The following HABP4 variants were observed in gnomAD, a reference collection of about 807,000 sequenced individuals.
HABP4 encodes intracellular hyaluronan-binding protein 4.
A neutral mutation model predicts 44.1 loss-of-function variants in HABP4; 32 were observed. That is an observed-to-expected ratio of 0.73 (90% confidence interval 0.55 to 0.97). The LOEUF is 0.97. HABP4 is among the 50% of genes least tolerant of loss of function. The pLI is 0.00. For missense variants in HABP4, 503 were observed against 561.9 expected (o/e 0.90, Z 1.06); for synonymous variants, 216 against 218.0 (o/e 0.99, Z 0.08).
At chr9:96,453,310 A>AGG (rs1243264585) in intron 1 of HABP4, among the ~76,000 whole-genome samples, 1 of 151,836 alleles carries the variant, frequency 6.6e-6, no homozygotes, top group African/African-American at 2.4e-5. Context: ...TCTTGACCTC[A>AGG]TGATCTGCTT....
intron 1 of HABP4, among the ~76,000 whole-genome samples, chr9:96,453,190 C>T (rs1178929341): frequency 1.3e-5 from 2 of 151,198 alleles, no homozygotes; most frequent in Non-Finnish European, 2.9e-5. Flanking sequence ...CCTCAGCCTC[C>T]TGGGTAGCTG....
chr9:96,473,030 C>T (rs1234204260), intron 5 of HABP4, among the ~76,000 whole-genome samples: 8 of 152,180 alleles, frequency 5.3e-5, no homozygotes, highest in East Asian at 3.9e-4. Context: ...CCTTGTCTTT[C>T]GGGTCTTTTA....
At chr9:96,465,618 T>C in intron 3 of HABP4, 92 bp from the exon 4 acceptor site, 1 of 1,170,214 alleles carries the variant, frequency 8.5e-7, no homozygotes, top group Admixed American at 1.7e-5. Context: ...TGTGAGAAGC[T>C]GATCCTGGGA....
upstream of HABP4, chr9:96,450,128 C>T (rs1052178693): frequency 1.6e-4 from 119 of 762,588 alleles, no homozygotes; most frequent in African/African-American, 1.9e-3. This position sits in a 1 kb window ranked among gnomAD's most constrained non-coding sequence, Gnocchi z 4.8. Flanking sequence ...CGGACGGCGG[C>T]GGCGCCGCGG....
chr9:96,489,862 T>C lies in HABP4; in HGVS notation c.1186-120T>C, dbSNP rs555320972. 69 of 741,604 alleles carry C rather than the reference T, an allele frequency of 9.3e-5. No individual in the cohort carries two copies. The Middle Eastern group carries it at 1.2e-3, about 13-fold the overall frequency. The allele number at this position is 741,604 out of a possible 1,614,324, so 45.9% of individuals were successfully genotyped here. A position where few individuals can be genotyped will look rare whatever the true frequency, so the allele number is the denominator to read the frequency against. ...TGACCTGTGACTCTCCCCTTCCCAC[T>C]GTGGGTCCTGCCTCTAATGCAGGCC... On this transcript the variant is annotated intron_variant, in intron 7 of 7. Coordinates refer to ENST00000375249, the MANE Select transcript of HABP4 (RefSeq NM_014282.4).
chr9:96,462,323 C>T (rs1365230416), intron 2 of HABP4, among the ~76,000 whole-genome samples: 1 of 151,792 alleles, frequency 6.6e-6, no homozygotes. Flanking sequence ...TGGTGGCACA[C>T]GCCTGTGATC....
chr9:96,462,308 G>A (rs1433808895), intron 2 of HABP4, among the ~76,000 whole-genome samples: 1 of 150,658 alleles, frequency 6.6e-6, no homozygotes, highest in Non-Finnish European at 1.5e-5. Context: ...AAAATTAGCC[G>A]GATGTGGTGG....
chr9:96,469,820 T>A (rs1019800374), intron 4 of HABP4, among the ~76,000 whole-genome samples: 1 of 152,130 alleles, frequency 6.6e-6, no homozygotes, highest in Non-Finnish European at 1.5e-5. Flanking sequence ...CGCGCCCGGA[T>A]GATTTACTTT....
At chr9:96,471,418 C>T (rs895396317) in intron 5 of HABP4, among the ~76,000 whole-genome samples, 2 of 152,148 alleles carry the variant, frequency 1.3e-5, no homozygotes, top group African/African-American at 4.8e-5. Context: ...GCTGGGATTA[C>T]AGGTGAGCCA....
At position 96,465,485 on chromosome 9, in the gene HABP4, G is replaced by A. The variant is rs1310480032; in HGVS notation, c.661G>A (p.Gly221Arg). 6.2e-7 allele frequency: 1 copy of A among 1,609,714 alleles called. No homozygotes were observed. The highest frequency in any genetic ancestry group is 1.3e-5 in the African/African-American group (1 of 74,844). The change falls in exon 3 of 8, where the codon GGG becomes AGG. Residue 221 changes from glycine (G) to arginine (R), a missense_variant. By Grantham distance (125) the Gly-to-Arg change is moderately radical (BLOSUM62 -2). This residue lies in a region of HABP4 where 131 missense variants were observed against 189.8 expected (regional missense o/e 0.69). Transcript: ENST00000375249. ...RGKREFERYG[G>R]NDKIAVRTED... ...AAAGCGAGAATTTGAAAGATATGGTGGGAATGACAAAATGTAAGTTTCTTT... is the reference window on the plus strand; with the variant it reads ...AAAGCGAGAATTTGAAAGATATGGTAGGAATGACAAAATGTAAGTTTCTTT...
intron 1 of HABP4, among the ~76,000 whole-genome samples, chr9:96,455,442 G>A (rs1469100336): frequency 9.6e-5 from 14 of 145,706 alleles, no homozygotes; most frequent in African/African-American, 7.7e-5. Context: ...TCTGGGTGAC[G>A]GAGTGAGACT....
At chr9:96,462,624 A>G (rs1396857935) in intron 2 of HABP4, among the ~76,000 whole-genome samples, 8 of 151,456 alleles carry the variant, frequency 5.3e-5, no homozygotes, top group Admixed American at 2.0e-4. Context: ...AAAAAAAAAA[A>G]AGAGAGAGAG....
intron 1 of HABP4, among the ~76,000 whole-genome samples, chr9:96,454,665 G>T (rs1355086284): frequency 2.0e-5 from 3 of 152,090 alleles, no homozygotes; most frequent in African/African-American, 7.2e-5. Flanking sequence ...AGCCAGGATG[G>T]TCTCAATCTC....
Position 96,450,784 on chromosome 9 carries a change from C to A in HABP4, c.349+156C>A, listed in dbSNP as rs1313169698. Among the ~76,000 whole-genome samples the A allele has an allele frequency of 6.6e-6, 1 of 152,124 alleles. No homozygotes were observed. Among genetic ancestry groups the A allele is most frequent in the African/African-American group, 2.4e-5 (1 of 41,434 alleles). ...TAGGAGGAGAGGGGCAGGGGTCACACCCCTTCCAGCTCTCGCCAGCCTCGT... is the reference window on the plus strand; with the variant it reads ...TAGGAGGAGAGGGGCAGGGGTCACAACCCTTCCAGCTCTCGCCAGCCTCGT... On this transcript the variant is annotated intron_variant, in intron 1 of 7. Coordinates refer to ENST00000375249, the MANE Select transcript of HABP4 (RefSeq NM_014282.4). This position sits in a 1 kb window ranked among gnomAD's most constrained non-coding sequence, Gnocchi z 4.8.
At chr9:96,478,656 GT>G (rs71368270) in intron 5 of HABP4, among the ~76,000 whole-genome samples, 3,977 of 140,240 alleles carry the variant, frequency 0.028, 160 homozygotes, top group African/African-American at 0.097. Context: ...TGTTGTCATC[GT>G]TTTTTTTTTT....
chr9:96,476,402 G>A (rs745573631), intron 5 of HABP4, among the ~76,000 whole-genome samples: 11 of 152,066 alleles, frequency 7.2e-5, no homozygotes, highest in Non-Finnish European at 1.0e-4. Flanking sequence ...ATAATTTCAC[G>A]TTTAGAAACA....
At position 96,481,714 on chromosome 9, in the gene HABP4, C is replaced by T. The variant is rs559173338; in HGVS notation, c.828-2748C>T. ...TGAGCCATCATCATGCCACTGTACT[C>T]CAGCCTGGCCAACAGAGTGAAACCC... is the stretch of plus-strand genomic sequence containing the variant. On this transcript the variant is annotated intron_variant, in intron 5 of 7. Coordinates refer to ENST00000375249, the MANE Select transcript of HABP4 (RefSeq NM_014282.4). 1.1e-4 allele frequency among the ~76,000 whole-genome samples: 16 copies of T among 152,112 alleles called. No individual in the cohort carries two copies. In the South Asian group the frequency reaches 2.9e-3, roughly 28 times the overall value.
At chr9:96,487,491 C>T (rs548057414) in intron 6 of HABP4, among the ~76,000 whole-genome samples, 2 of 152,252 alleles carry the variant, frequency 1.3e-5, no homozygotes, top group Admixed American at 6.5e-5. Context: ...CTCAGGTAAC[C>T]ATACTCTTGT....
chr9:96,453,128 G>A (rs1179944821), intron 1 of HABP4, among the ~76,000 whole-genome samples: 2 of 136,892 alleles, frequency 1.5e-5, no homozygotes, highest in African/African-American at 2.8e-5. Flanking sequence ...GTGCAGTGGC[G>A]GGATCTTGAC....
Sources: allele counts gnomAD v4.1 joint callset (sites outside exome capture counted in the v4.1 genomes callset), GRCh38; gene constraint gnomAD v4.1.1; regional missense constraint gnomAD v4.1.1; non-coding constraint Gnocchi (gnomAD v3.1); transcripts MANE v1.5; gene names NCBI Gene and HGNC (gene_info 2026-07-23, HGNC 2026-07-21).